RTCB: variants seen among roughly 807,000 people sequenced by gnomAD.
The protein encoded by RTCB is RNA-splicing ligase RTCB.
RTCB carries 32 observed loss-of-function variants against 58.2 expected under a neutral mutation model. The ratio of observed to expected loss-of-function variants is 0.55; its 90% CI spans 0.41 to 0.74. The LOEUF is 0.74. Ranked by LOEUF, RTCB falls within the 30% of genes least tolerant of loss-of-function variation. The probability of loss-of-function intolerance (pLI) is 0.00; values close to 1 mark genes in which losing one functional copy is unlikely to be tolerated. For missense variants in RTCB, 523 were observed against 639.0 expected, an observed-to-expected ratio of 0.82 and a Z score of 1.96; for synonymous variants, 247 against 218.6, an observed-to-expected ratio of 1.13 and a Z score of -1.15.
At chr22:32,410,711 CTTTTT>C (rs1933504853) in intron 1 of RTCB, among the ~76,000 whole-genome samples, 1 of 133,288 alleles carries the variant, frequency 7.5e-6, no homozygotes, top group Non-Finnish European at 1.6e-5. Flanking sequence ...ATGGTGTTTT[CTTTTT>C]CTTTTCTTTT....
intron 3 of RTCB, 109 bp downstream of exon 3, chr22:32,408,066 G>T: frequency 1.0e-6 from 1 of 976,658 alleles, no homozygotes; most frequent in Non-Finnish European, 1.6e-6. Context: ...GGTTATGTCT[G>T]GCTGTCCAAA....
intron 9 of RTCB, 33 bp from the exon 10 acceptor site, chr22:32,394,035 T>G: frequency 6.8e-7 from 1 of 1,466,418 alleles, no homozygotes; most frequent in South Asian, 1.1e-5. Flanking sequence ...CATGTTAAAA[T>G]TCAGAAAAAC....
At chr22:32,411,293 C>A (rs1239981565) in intron 1 of RTCB, among the ~76,000 whole-genome samples, 1 of 152,170 alleles carries the variant, frequency 6.6e-6, no homozygotes, top group Non-Finnish European at 1.5e-5. Context: ...TGCAAAACTT[C>A]ATAAACGTTT....
In RTCB at chr22:32,396,078, C is replaced by T. The variant is rs140562784; in HGVS notation, c.986G>A (p.Arg329His). 1.5e-5 allele frequency: 25 copies of T among 1,613,754 alleles called. No homozygotes were observed. The highest frequency in any genetic ancestry group is 2.2e-5 in the East Asian group (1 of 44,884). Residue 329 changes from arginine (R) to histidine (H), a missense_variant, in exon 8 of 12, where the codon CGT (arginine) becomes CAT (histidine). This residue lies in a region of RTCB where 248 missense variants were observed against 292.5 expected (regional missense o/e 0.85). Coordinates refer to ENST00000216038, the MANE Select transcript of RTCB (RefSeq NM_014306.5). ...VNRSSMTFLT[R>H]QAFAKVFNTT... is the part of the protein sequence containing the mutation. ...GAAGAGCAACTTCTACTGTACCTGACGGGTTAAGAAGGTCATGGAAGAGCG... is the reference window on the plus strand; with the variant it reads ...GAAGAGCAACTTCTACTGTACCTGATGGGTTAAGAAGGTCATGGAAGAGCG...
intron 10 of RTCB, 138 bp downstream of exon 10, chr22:32,393,754 G>C: frequency 1.6e-6 from 1 of 642,030 alleles, no homozygotes. Context: ...ACATTATGGG[G>C]AACAATTTGA....
chr22:32,395,267 A>G (rs576854116), intron 8 of RTCB, 53 bp from the exon 9 acceptor site: 4 of 1,508,514 alleles, frequency 2.7e-6, no homozygotes, highest in Admixed American at 1.8e-5. Context: ...ACTTATGTTC[A>G]GCTCTTCGTG....
chr22:32,388,220 C>T (rs938176347), intron 11 of RTCB, 121 bp from the exon 12 acceptor site: 11 of 616,630 alleles, frequency 1.8e-5, no homozygotes, highest in Non-Finnish European at 3.1e-5. Context: ...TTTTTTTTGC[C>T]TATGAAATTA....
At chr22:32,390,044 C>T (rs73881674) in intron 11 of RTCB, among the ~76,000 whole-genome samples, 5,002 of 152,178 alleles carry the variant, frequency 0.033, 255 homozygotes, top group African/African-American at 0.11. Context: ...TAGCCTGTTT[C>T]CTCTCTCTCT....
intron 7 of RTCB, among the ~76,000 whole-genome samples, chr22:32,396,678 A>G (rs1033682961): frequency 6.6e-6 from 1 of 152,246 alleles, no homozygotes; most frequent in African/African-American, 2.4e-5. Context: ...CACTTCGTAC[A>G]TCTGCTAGGT....
chr22:32,399,818 A>T, intron 5 of RTCB, 59 bp from the exon 6 acceptor site: 1 of 1,488,476 alleles, frequency 6.7e-7, no homozygotes, highest in Non-Finnish European at 9.1e-7. Context: ...AAACCTAAGG[A>T]TGACCACATC....
intron 3 of RTCB, 172 bp downstream of exon 3, chr22:32,408,003 T>C (rs769535060): frequency 5.1e-5 from 31 of 611,656 alleles, no homozygotes; most frequent in Non-Finnish European, 7.9e-5. Flanking sequence ...AATCCTTCCA[T>C]CTTGGTCTCT....
chr22:32,412,143 T>C lies in RTCB; in HGVS notation c.14A>G (p.Tyr5Cys), dbSNP rs781442392. The change falls in exon 1 of 12, where the codon TAT becomes TGT. Residue 5 changes from tyrosine to cysteine, a missense_variant. This residue lies in a region of RTCB where 134 missense variants were observed against 129.9 expected (regional missense o/e 1.03). Coordinates refer to ENST00000216038, the MANE Select transcript of RTCB (RefSeq NM_014306.5). MSRS[Y>C]NDELQFLEKI... ...CTCCAAGAACTGCAGCTCATCATTA[T>C]AGCTGCGACTCATGGTGGCGAAAAC... 6 of 1,596,908 alleles carry C rather than the reference T, an allele frequency of 3.8e-6. No homozygotes were observed. The highest frequency in any genetic ancestry group is 2.3e-5 in the East Asian group (1 of 43,034).
intron 7 of RTCB, among the ~76,000 whole-genome samples, chr22:32,397,696 G>A (rs964917526): frequency 3.3e-5 from 5 of 152,164 alleles, no homozygotes; most frequent in Admixed American, 6.5e-5. Flanking sequence ...TTTATTGAGT[G>A]TTTACTAATG....
chr22:32,399,682 T>C lies in RTCB; in HGVS notation c.575A>G (p.His192Arg), dbSNP rs1396480835. 4 of 1,614,026 alleles carry C rather than the reference T, an allele frequency of 2.5e-6. No individual in the cohort carries two copies. In the Admixed American group the frequency reaches 6.7e-5, roughly 27 times the overall value. ...CAGCATCCTTCCGTACTCCTCGCAG[T>C]GCTCCTTGTCTTCAGCCCAGGCATA... Reference protein sequence around the residue: ...EGYAWAEDKEHCEEYGRMLQA... With the variant: ...EGYAWAEDKERCEEYGRMLQA... Residue 192 changes from histidine to arginine, a missense_variant, in exon 6 of 12, where the codon CAC (histidine) becomes CGC (arginine). Around this residue, in one of 3 missense-constraint regions of RTCB, gnomAD observed 141 missense variants for 216.7 expected, o/e 0.65. Coordinates refer to ENST00000216038, the MANE Select transcript of RTCB (RefSeq NM_014306.5).
chr22:32,387,851 C>T lies in RTCB; in HGVS notation c.*141G>A. ...GGGCCCCTGAAAGCAGCAGCCTCCC[C>T]ATCAGCCATTTTGGCGTGAGCAGTT... On this transcript the variant is annotated 3_prime_UTR_variant, in exon 12 of 12. Coordinates refer to ENST00000216038, the MANE Select transcript of RTCB (RefSeq NM_014306.5). 1.7e-6 allele frequency: 1 copy of T among 576,558 alleles called. No individual in the cohort carries two copies. The highest frequency in any genetic ancestry group is 3.1e-6 in the Non-Finnish European group (1 of 319,962). The allele number at this position is 576,558 out of a possible 1,614,324, so 35.7% of individuals were successfully genotyped here. A position where few individuals can be genotyped will look rare whatever the true frequency, so the allele number is the denominator to read the frequency against.
rs1406822087 is a variant in RTCB at position 32,407,990 on chromosome 22, T to G, written c.240+185A>C. On this transcript the variant is annotated intron_variant, in intron 3 of 11. Transcript: ENST00000216038. ...GACTAGTCTTGAATTCCTGGGCTCA[T>G]GCAATCCTTCCATCTTGGTCTCTCA... The G allele has an allele frequency of 6.7e-6, 4 of 596,690 alleles. No homozygotes were observed. In the East Asian group the frequency reaches 1.1e-4, roughly 17 times the overall value. The allele number at this position is 596,690 out of a possible 1,614,324, so 37.0% of individuals were successfully genotyped here.
chr22:32,406,707 T>A lies in RTCB; in HGVS notation c.295A>T (p.Met99Leu). 1 of 1,613,026 alleles carries A rather than the reference T, an allele frequency of 6.2e-7. No individual in the cohort carries two copies. Among genetic ancestry groups the A allele is most frequent in the Non-Finnish European group, 8.5e-7 (1 of 1,179,160 alleles). ...GGGTCATTCATATCAAAGGCTGCCA[T>A]GTTCCCAATAGCAAACCCATATCCT... ...HSGYGFAIGN[M>L]AAFDMNDPEA... Residue 99 changes from methionine (M) to leucine (L), a missense_variant, in exon 4 of 12, where the codon ATG becomes TTG. Physicochemically the swap from Met to Leu is conservative, Grantham distance 15. This residue lies in a region of RTCB where 134 missense variants were observed against 129.9 expected (regional missense o/e 1.03). Coordinates refer to ENST00000216038, the MANE Select transcript of RTCB (RefSeq NM_014306.5).
chr22:32,411,002 GCT>G (rs1933512332), intron 1 of RTCB, among the ~76,000 whole-genome samples: 1 of 152,130 alleles, frequency 6.6e-6, no homozygotes, highest in Non-Finnish European at 1.5e-5. Context: ...GAACCACTGC[GCT>G]CTCCCTATGT....
chr22:32,410,852 G>A lies in RTCB; in HGVS notation c.93+1212C>T, dbSNP rs1283317665. Among the ~76,000 whole-genome samples, 5 of 151,836 alleles carry A rather than the reference G, an allele frequency of 3.3e-5. No individual in the cohort carries two copies. In the South Asian group the frequency reaches 1.0e-3, roughly 32 times the overall value. ...TGCCTCAGCCTCCTGAGTAGCTGTG[G>A]TGCACACCACCCCGCCTGGCTAATT... On this transcript the variant is annotated intron_variant, in intron 1 of 11. Coordinates refer to ENST00000216038, the MANE Select transcript of RTCB (RefSeq NM_014306.5).
Sources: gnomAD v4.1 joint callset for allele counts (sites outside exome capture counted in the v4.1 genomes callset) on GRCh38, gnomAD v4.1.1 for gene constraint, gnomAD v4.1.1 regional missense constraint, MANE v1.5 for transcripts, NCBI Gene and HGNC (gene_info 2026-07-23, HGNC 2026-07-21) for gene names.